ATG7: variants seen among roughly 807,000 people sequenced by gnomAD.
ATG7 encodes the protein autophagy related 7.
In ATG7, 70 loss-of-function variants were observed where a neutral mutation model predicts 82.4. That is an observed-to-expected ratio of 0.85 (90% confidence interval 0.70 to 1.04). The LOEUF (loss-of-function observed/expected upper bound fraction) is 1.04. ATG7 is among the 50% of genes least tolerant of loss of function. ATG7 has a pLI of 0.00. For missense variants in ATG7, 792 were observed against 864.3 expected (o/e 0.92, Z 1.05); for synonymous variants, 287 against 313.0 (o/e 0.92, Z 0.88).
intron 20 of ATG7, among the ~76,000 whole-genome samples, chr3:11,488,995 T>A (rs1381241463): frequency 6.6e-6 from 1 of 152,184 alleles, no homozygotes; most frequent in Non-Finnish European, 1.5e-5. Flanking sequence ...TTCCTCCTTG[T>A]ACCTCTGGTA....
rs77236806 is a variant in ATG7, at chr3:11,416,928, A to T, written c.1957-9876A>T. 2.2e-3 allele frequency among the ~76,000 whole-genome samples: 329 copies of T among 152,060 alleles called. 1 individual carries two copies. Among genetic ancestry groups the T allele is most frequent in the African/African-American group, 7.5e-3 (313 of 41,472 alleles). On this transcript the variant is annotated intron_variant, in intron 19 of 20. Transcript: ENST00000693202. ...ATTTCTATTTAGTTTAAATATTTTA[A>T]ATTTATCTTGAGATTTTTTATTCAT...
rs1491236025 is a variant in ATG7 at position 11,506,583 on chromosome 3, AAC to A, written c.2080-48227_2080-48226del. Among the ~76,000 whole-genome samples the A allele has an allele frequency of 8.3e-3, 99 of 11,880 alleles. 7 individuals carry two copies. Among genetic ancestry groups the A allele is most frequent in the African/African-American group, 0.031 (86 of 2,738 alleles). The allele number at this position is 11,880 out of a possible 152,430, so 7.8% of individuals were successfully genotyped here. Reference sequence around the variant, plus strand: ...AAAAAAAAAAAAAAAAAAAAAAAAAAACCCAAAAATTAGCTGGGAGTGGTGGC... The same window carrying A: ...AAAAAAAAAAAAAAAAAAAAAAAAAACCAAAAATTAGCTGGGAGTGGTGGC... On this transcript the variant is annotated intron_variant, in intron 20 of 20. Transcript: ENST00000693202.
At chr3:11,359,442 G>A (rs1241397235) in intron 15 of ATG7, among the ~76,000 whole-genome samples, 1 of 152,106 alleles carries the variant, frequency 6.6e-6, no homozygotes, top group Non-Finnish European at 1.5e-5. Context: ...GGACATGGTG[G>A]CTCACATCTG....
chr3:11,449,259 C>G (rs2152982111), intron 20 of ATG7, among the ~76,000 whole-genome samples: 1 of 152,294 alleles, frequency 6.6e-6, no homozygotes, highest in Admixed American at 6.5e-5. Flanking sequence ...GTAGTCCCAG[C>G]TATTCAGGAG....
intron 19 of ATG7, among the ~76,000 whole-genome samples, chr3:11,419,062 T>C (rs2081683920): frequency 6.6e-6 from 1 of 152,028 alleles, no homozygotes; most frequent in African/African-American, 2.4e-5. Context: ...CCAAAGCATA[T>C]CAAGTGGTTT....
intron 10 of ATG7, among the ~76,000 whole-genome samples, chr3:11,332,005 T>C (rs551929559): frequency 1.3e-5 from 2 of 152,202 alleles, no homozygotes; most frequent in Non-Finnish European, 2.9e-5. Flanking sequence ...AAAATATCTA[T>C]GGCTCAGCAA....
chr3:11,299,169 A>G (rs1946401584), intron 4 of ATG7, 193 bp from the exon 5 acceptor site: 1 of 612,850 alleles, frequency 1.6e-6, no homozygotes, highest in African/African-American at 1.8e-5. Context: ...CGAATGTCTC[A>G]TATTCACAAG....
intron 14 of ATG7, among the ~76,000 whole-genome samples, chr3:11,353,666 G>A (rs896600677): frequency 1.3e-5 from 2 of 152,056 alleles, no homozygotes; most frequent in Non-Finnish European, 2.9e-5. Flanking sequence ...GTTCACGTGA[G>A]CGAGAGCTAG....
intron 20 of ATG7, among the ~76,000 whole-genome samples, chr3:11,520,379 C>G (rs1008660705): frequency 1.3e-5 from 2 of 152,222 alleles, no homozygotes; most frequent in African/African-American, 4.8e-5. Context: ...GGAGCTGATA[C>G]ATCTACTTCC....
intron 3 of ATG7, among the ~76,000 whole-genome samples, chr3:11,286,047 G>T (rs890832421): frequency 2.6e-5 from 4 of 152,220 alleles, no homozygotes; most frequent in South Asian, 2.1e-4. Flanking sequence ...TTCAACTTGG[G>T]TTTATCTGAT....
intron 20 of ATG7, among the ~76,000 whole-genome samples, chr3:11,470,030 T>C (rs1367520695): frequency 6.8e-6 from 1 of 147,398 alleles, no homozygotes; most frequent in Non-Finnish European, 1.5e-5. Context: ...GATGGTGTAC[T>C]GGGCTGTGCG....
At chr3:11,279,119 A>G (rs933496817) in intron 1 of ATG7, among the ~76,000 whole-genome samples, 2 of 152,142 alleles carry the variant, frequency 1.3e-5, no homozygotes, top group Non-Finnish European at 2.9e-5. Context: ...GCATGGGGCT[A>G]GTGCTGTCAT....
chr3:11,469,555 A>G (rs957921517), intron 20 of ATG7, among the ~76,000 whole-genome samples: 3 of 152,144 alleles, frequency 2.0e-5, no homozygotes, highest in South Asian at 4.1e-4. Context: ...CTCTTAAAGG[A>G]GTGATGATAC....
rs142497285 is a variant in ATG7, at chr3:11,319,072, G to A, written c.678+3579G>A. Among the ~76,000 whole-genome samples the A allele has an allele frequency of 3.9e-5, 6 of 152,324 alleles. No homozygotes were observed. The East Asian group carries it at 1.2e-3, about 29-fold the overall frequency. Reference sequence around the variant, plus strand: ...GTCCTCAACATTTAGTGCAATGCTGGACACTTAAGAGACACATGATGTGAG... The same window carrying A: ...GTCCTCAACATTTAGTGCAATGCTGAACACTTAAGAGACACATGATGTGAG... On this transcript the variant is annotated intron_variant, in intron 9 of 20. Coordinates refer to ENST00000693202, the MANE Select transcript of ATG7 (RefSeq NM_001349232.2).
intron 20 of ATG7, among the ~76,000 whole-genome samples, chr3:11,491,291 C>T (rs1559738699): frequency 2.0e-5 from 3 of 152,194 alleles, no homozygotes; most frequent in Non-Finnish European, 4.4e-5. Context: ...GCATTCTTCA[C>T]GTAGTTCTCA....
In ATG7 at chr3:11,321,074, C is replaced by T. The variant is rs568854894; in HGVS notation, c.678+5581C>T. On this transcript the variant is annotated intron_variant, in intron 9 of 20. Coordinates refer to ENST00000693202, the MANE Select transcript of ATG7 (RefSeq NM_001349232.2). ...CTTAATTTGGAGTAGGGTGCAGATG[C>T]GTAATGTCTGGGAATGTTTTGGAAG... Among the ~76,000 whole-genome samples the T allele has an allele frequency of 7.9e-5, 12 of 152,190 alleles. No individual in the cohort carries two copies. The East Asian group carries it at 9.6e-4, about 12-fold the overall frequency.
chr3:11,521,535 C>A (rs898451984), intron 20 of ATG7, among the ~76,000 whole-genome samples: 5 of 145,316 alleles, frequency 3.4e-5, no homozygotes, highest in Non-Finnish European at 7.5e-5. Flanking sequence ...CATGGCCTGG[C>A]CAGCCCAGGA....
chr3:11,307,827 G>T (rs964987362), intron 6 of ATG7, among the ~76,000 whole-genome samples: 1 of 152,218 alleles, frequency 6.6e-6, no homozygotes, highest in Non-Finnish European at 1.5e-5. Context: ...TGGTGTGGGT[G>T]CAGTGGTCAG....
At chr3:11,389,743 C>A (rs868620859) in intron 19 of ATG7, among the ~76,000 whole-genome samples, 1 of 152,294 alleles carries the variant, frequency 6.6e-6, no homozygotes, top group East Asian at 1.9e-4. Flanking sequence ...CAGCCTCCCA[C>A]GAGGACTACT....
Sources: gnomAD v4.1 joint callset for allele counts (sites outside exome capture counted in the v4.1 genomes callset) on GRCh38, gnomAD v4.1.1 for gene constraint, MANE v1.5 for transcripts, NCBI Gene and HGNC (gene_info 2026-07-23, HGNC 2026-07-21) for gene names.